Variants in DNM3 observed in about 807,000 individuals in gnomAD.
DNM3 encodes dynamin-3.
A neutral mutation model predicts 101.6 loss-of-function variants in DNM3; 47 were observed. The observed-to-expected ratio is 0.46, with a 90% CI of 0.37 to 0.59. The LOEUF (loss-of-function observed/expected upper bound fraction) is 0.59, where lower values mean the gene tolerates loss of function less well. Ranked by LOEUF, DNM3 falls within the 20% of genes least tolerant of loss-of-function variation. DNM3 has a pLI of 0.00. For missense variants in DNM3, 849 were observed against 1,085.7 expected, an observed-to-expected ratio of 0.78 and a Z score of 3.06; for synonymous variants, 385 against 387.9, an observed-to-expected ratio of 0.99 and a Z score of 0.09.
chr1:172,290,315 G>T (rs1230639240), intron 15 of DNM3, among the ~76,000 whole-genome samples: 1 of 152,120 alleles, frequency 6.6e-6, no homozygotes, highest in African/African-American at 2.4e-5. Flanking sequence ...TTAGCTAGAG[G>T]GGTTAGGGGA....
At chr1:172,263,735 T>C (rs944676660) in intron 15 of DNM3, among the ~76,000 whole-genome samples, 1 of 152,130 alleles carries the variant, frequency 6.6e-6, no homozygotes, top group East Asian at 1.9e-4. Flanking sequence ...GTCCCTCCCA[T>C]GACATGTGGG....
intron 14 of DNM3, among the ~76,000 whole-genome samples, chr1:172,182,834 T>C (rs888112960): frequency 3.9e-4 from 59 of 152,140 alleles, no homozygotes; most frequent in African/African-American, 1.4e-3. Context: ...AGGACCCCAA[T>C]CGTCAGTTTT....
At chr1:172,163,101 AATG>A (rs10597755) in intron 14 of DNM3, among the ~76,000 whole-genome samples, 3,330 of 152,180 alleles carry the variant, frequency 0.022, 114 homozygotes, top group African/African-American at 0.075. Context: ...TATGTTATGA[AATG>A]ATGACCACAG....
intron 1 of DNM3, among the ~76,000 whole-genome samples, chr1:171,898,272 C>T (rs1156424349): frequency 6.6e-6 from 1 of 152,154 alleles, no homozygotes; most frequent in Non-Finnish European, 1.5e-5. Context: ...TTTCTTATTA[C>T]CATTTTCATT....
chr1:171,900,856 C>T (rs935425119), intron 1 of DNM3, among the ~76,000 whole-genome samples: 4 of 151,880 alleles, frequency 2.6e-5, no homozygotes, highest in Non-Finnish European at 5.9e-5. Context: ...CGCCTATAAT[C>T]CTAGCATTTA....
chr1:172,237,530 C>T (rs1043290191), intron 14 of DNM3, among the ~76,000 whole-genome samples: 2 of 152,102 alleles, frequency 1.3e-5, no homozygotes, highest in African/African-American at 4.8e-5. Flanking sequence ...ATACTTCAAC[C>T]CTTTCGAGAG....
At chr1:171,974,185 C>A (rs2044214340) in intron 2 of DNM3, among the ~76,000 whole-genome samples, 1 of 152,076 alleles carries the variant, frequency 6.6e-6, no homozygotes, top group African/African-American at 2.4e-5. Context: ...TTAAATAATG[C>A]AGTATTTCAA....
chr1:171,986,077 G>A (rs2045232204), intron 2 of DNM3, among the ~76,000 whole-genome samples: 1 of 152,100 alleles, frequency 6.6e-6, no homozygotes, highest in Non-Finnish European at 1.5e-5. Flanking sequence ...TAGTGGATGG[G>A]TCCGAGCAGA....
At chr1:172,287,977 G>A (rs901135392) in intron 15 of DNM3, among the ~76,000 whole-genome samples, 1 of 151,940 alleles carries the variant, frequency 6.6e-6, no homozygotes, top group African/African-American at 2.4e-5. Flanking sequence ...GAGCCACTGT[G>A]TCTGACCAAG....
At chr1:172,017,047 T>C (rs997534838) in intron 4 of DNM3, among the ~76,000 whole-genome samples, 1 of 152,154 alleles carries the variant, frequency 6.6e-6, no homozygotes, top group African/African-American at 2.4e-5. Flanking sequence ...CATAATATTC[T>C]CTTATTATTC....
At chr1:171,845,746 GTTTA>G (rs1049734231) in intron 1 of DNM3, among the ~76,000 whole-genome samples, 2 of 152,156 alleles carry the variant, frequency 1.3e-5, no homozygotes, top group Non-Finnish European at 2.9e-5. Flanking sequence ...TAATTGGATT[GTTTA>G]TTTAAGTATG....
chr1:172,252,653 G>T (rs2062221658), intron 14 of DNM3, among the ~76,000 whole-genome samples: 1 of 152,022 alleles, frequency 6.6e-6, no homozygotes, highest in South Asian at 2.1e-4. Flanking sequence ...TATACCCCTG[G>T]TAATAGGTAT....
At chr1:172,066,290 G>A (rs986624811) in intron 10 of DNM3, among the ~76,000 whole-genome samples, 2 of 152,118 alleles carry the variant, frequency 1.3e-5, no homozygotes, top group Non-Finnish European at 2.9e-5. Context: ...TACAGAAAAG[G>A]AATTTATTTC....
intron 14 of DNM3, among the ~76,000 whole-genome samples, chr1:172,200,614 T>C (rs1048784169): frequency 3.3e-5 from 5 of 152,192 alleles, no homozygotes; most frequent in African/African-American, 1.2e-4. Context: ...TTTTATTCTT[T>C]AATTTATTTT....
chr1:171,856,401 T>C (rs1206607908), intron 1 of DNM3, among the ~76,000 whole-genome samples: 1 of 152,222 alleles, frequency 6.6e-6, no homozygotes, highest in Non-Finnish European at 1.5e-5. Flanking sequence ...TTTTTCTAGG[T>C]CTGTGAGGAA....
At chr1:172,284,100 G>C (rs1180206862) in intron 15 of DNM3, among the ~76,000 whole-genome samples, 1 of 152,180 alleles carries the variant, frequency 6.6e-6, no homozygotes, top group Admixed American at 6.5e-5. Flanking sequence ...TTTCCTGGAA[G>C]GCAAAGACAC....
chr1:171,994,112 A>G (rs1432262326), intron 4 of DNM3, among the ~76,000 whole-genome samples: 2 of 152,058 alleles, frequency 1.3e-5, no homozygotes, highest in Admixed American at 1.3e-4. Flanking sequence ...GTTCAGGGAC[A>G]GTTTCTATTG....
At chr1:172,046,721 C>T (rs769208813) in intron 9 of DNM3, among the ~76,000 whole-genome samples, 4 of 152,106 alleles carry the variant, frequency 2.6e-5, no homozygotes, top group Non-Finnish European at 5.9e-5. Flanking sequence ...TCTAAGCTCC[C>T]TATTCTATTT....
At chr1:172,244,989 T>C (rs1407529361) in intron 14 of DNM3, among the ~76,000 whole-genome samples, 1 of 152,238 alleles carries the variant, frequency 6.6e-6, no homozygotes, top group Non-Finnish European at 1.5e-5. Context: ...TAGCCTCTCA[T>C]TATTCTTTGA....
Sources: allele counts gnomAD v4.1 joint callset (sites outside exome capture counted in the v4.1 genomes callset), GRCh38; gene constraint gnomAD v4.1.1; transcripts MANE v1.5; gene names NCBI Gene and HGNC (gene_info 2026-07-23, HGNC 2026-07-21).